The following UGGT2 variants were observed in gnomAD, a reference collection of about 807,000 sequenced individuals.
The protein encoded by UGGT2 is UDP-glucose:glycoprotein glucosyltransferase 2.
A neutral mutation model predicts 192.1 loss-of-function variants in UGGT2; 180 were observed. The ratio of observed to expected loss-of-function variants is 0.94; its 90% confidence interval spans 0.83 to 1.06. The LOEUF is 1.06. Ranked by LOEUF, UGGT2 falls within the 50% of genes least tolerant of loss-of-function variation. The pLI is 0.00. For synonymous variants in UGGT2, 580 were observed against 591.0 expected, an observed-to-expected ratio of 0.98 and a Z score of 0.27; for missense variants, 1,849 against 1,795.7, an observed-to-expected ratio of 1.03 and a Z score of -0.54.
chr13:95,910,141 C>G (rs2048440804), intron 20 of UGGT2, among the ~76,000 whole-genome samples: 1 of 152,164 alleles, frequency 6.6e-6, no homozygotes, highest in Admixed American at 6.6e-5. Context: ...AAAAACATGC[C>G]AAACTGTAAA....
At chr13:95,944,522 G>T (rs2049799978) in intron 15 of UGGT2, among the ~76,000 whole-genome samples, 3 of 151,990 alleles carry the variant, frequency 2.0e-5, no homozygotes. Context: ...GAGTCTGGAA[G>T]TTTATACCTG....
At chr13:95,929,057 G>A (rs2049148761) in intron 17 of UGGT2, among the ~76,000 whole-genome samples, 1 of 152,112 alleles carries the variant, frequency 6.6e-6, no homozygotes, top group Non-Finnish European at 1.5e-5. Context: ...AGTCAGGCGT[G>A]GCGGCGCGCG....
At chr13:95,834,215 G>A (rs1268174247) in intron 37 of UGGT2, among the ~76,000 whole-genome samples, 1 of 81,092 alleles carries the variant, frequency 1.2e-5, no homozygotes, top group African/African-American at 3.1e-5. Flanking sequence ...ACTACATTGG[G>A]TTTGTGTGTG....
At chr13:95,897,764 T>C (rs1268483118) in intron 22 of UGGT2, among the ~76,000 whole-genome samples, 2 of 152,208 alleles carry the variant, frequency 1.3e-5, no homozygotes, top group African/African-American at 2.4e-5. Flanking sequence ...ACCACAGTTA[T>C]ACAAATAAAA....
chr13:95,845,429 T>C (rs1327597997), intron 36 of UGGT2, among the ~76,000 whole-genome samples: 4 of 139,592 alleles, frequency 2.9e-5, no homozygotes, highest in African/African-American at 1.0e-4. Flanking sequence ...TGCACCGCCC[T>C]TAATCCATTT....
intron 15 of UGGT2, among the ~76,000 whole-genome samples, chr13:95,940,808 G>T (rs2049651773): frequency 6.6e-6 from 1 of 151,976 alleles, no homozygotes; most frequent in Non-Finnish European, 1.5e-5. Flanking sequence ...GCTCAGGCTG[G>T]TCTCAAACAC....
In UGGT2 at chr13:95,890,865, C is replaced by G; in HGVS notation, c.2955G>C (p.Leu985Phe). The G allele has an allele frequency of 6.2e-7, 1 of 1,609,486 alleles. No homozygotes were observed. Among genetic ancestry groups the G allele is most frequent in the African/African-American group, 1.3e-5 (1 of 74,764 alleles). ...AGTCTAATTTATATTATCTTACAAC[C>G]AACAACTGTGCCATTTTCTGTGCTT... Reference protein sequence around the residue: ...TREAQKMAQLLVVLGKIINMK... With the variant: ...TREAQKMAQLFVVLGKIINMK... Residue 985 changes from leucine to phenylalanine, a missense_variant, in exon 25 of 39, where the codon TTG becomes TTC. Transcript: ENST00000376747.
At chr13:95,863,016 T>TC (rs1330672310) in intron 31 of UGGT2, among the ~76,000 whole-genome samples, 1 of 151,982 alleles carries the variant, frequency 6.6e-6, no homozygotes, top group Non-Finnish European at 1.5e-5. Flanking sequence ...ATACATGCCA[T>TC]CACAACAGGC....
At chr13:95,972,722 T>C in intron 10 of UGGT2, 51 bp from the exon 11 acceptor site, 1 of 1,329,314 alleles carries the variant, frequency 7.5e-7, no homozygotes, top group Non-Finnish European at 1.1e-6. Context: ...AATAGTGACC[T>C]ATATTAGGGG....
At chr13:95,980,443 G>C (rs774177080) in intron 10 of UGGT2, among the ~76,000 whole-genome samples, 1 of 151,994 alleles carries the variant, frequency 6.6e-6, no homozygotes. Flanking sequence ...TGGACTTTGG[G>C]GACTCGGGGG....
chr13:95,815,839 G>A (rs2139759205), intron 38 of UGGT2, among the ~76,000 whole-genome samples: 1 of 152,312 alleles, frequency 6.6e-6, no homozygotes, highest in African/African-American at 2.4e-5. Flanking sequence ...GGAGGTGGGA[G>A]GGTATAATTC....
intron 17 of UGGT2, among the ~76,000 whole-genome samples, chr13:95,932,448 G>A (rs1398837168): frequency 2.6e-5 from 4 of 151,706 alleles, no homozygotes; most frequent in African/African-American, 9.7e-5. Flanking sequence ...CATTAATTTT[G>A]AATCCTGAAA....
chr13:95,921,333 C>T lies in UGGT2; in HGVS notation c.2295+4347G>A, dbSNP rs373977026. 9.0e-5 allele frequency among the ~76,000 whole-genome samples: 12 copies of T among 133,626 alleles called. No homozygotes were observed. The South Asian group carries it at 1.3e-3, about 14-fold the overall frequency. 87.7% of individuals were successfully genotyped at this position (133,626 alleles called of 152,430 possible). On this transcript the variant is annotated intron_variant, in intron 20 of 38. Transcript: ENST00000376747. ...GTGTAACAAACCTGCATATCCTACACATAACTCTTAAAGTTGAAAAAAAAA... is the reference window on the plus strand; with the variant it reads ...GTGTAACAAACCTGCATATCCTACATATAACTCTTAAAGTTGAAAAAAAAA...
rs1487075861 is a variant in UGGT2 at position 95,856,216 on chromosome 13, A to C, written c.3950T>G (p.Phe1317Cys). Residue 1317 changes from phenylalanine (F) to cysteine (C), a missense_variant, in exon 34 of 39, where the codon TTC becomes TGC. Transcript: ENST00000376747. ...TGCTAGTGGGAAAAGAACATCAAGG[A>C]AAAGAATTTTGTAACCCCAAATAAT... ...QRIIWGYKIL[F>C]LDVLFPLAVD... The C allele has an allele frequency of 1.9e-6, 3 of 1,613,564 alleles. No homozygotes were observed. Among genetic ancestry groups the C allele is most frequent in the Non-Finnish European group, 1.7e-6 (2 of 1,179,774 alleles).
chr13:95,945,164 C>T (rs1248187291), intron 15 of UGGT2, among the ~76,000 whole-genome samples: 1 of 151,880 alleles, frequency 6.6e-6, no homozygotes, highest in Non-Finnish European at 1.5e-5. Flanking sequence ...TTAATATTTG[C>T]TATTTGTTAT....
chr13:95,943,633 G>A (rs6492826), intron 15 of UGGT2, among the ~76,000 whole-genome samples: 52,535 of 151,758 alleles, frequency 0.35, 9,865 homozygotes, highest in East Asian at 0.45. Context: ...ACTGATATTA[G>A]TATACTGATC....
At chr13:96,024,949 T>G (rs1027354070) in intron 2 of UGGT2, among the ~76,000 whole-genome samples, 1 of 152,202 alleles carries the variant, frequency 6.6e-6, no homozygotes, top group Non-Finnish European at 1.5e-5. Context: ...CCGAAAGTGC[T>G]GGGCCCTTGA....
At chr13:95,839,644 G>A (rs1338344231) in intron 36 of UGGT2, among the ~76,000 whole-genome samples, 1 of 152,086 alleles carries the variant, frequency 6.6e-6, no homozygotes, top group Non-Finnish European at 1.5e-5. Context: ...ACTCTCTTGG[G>A]TATATATCTA....
chr13:96,039,388 A>C (rs187429205), intron 1 of UGGT2, among the ~76,000 whole-genome samples: 2 of 152,252 alleles, frequency 1.3e-5, no homozygotes, highest in Admixed American at 1.3e-4. Context: ...ACATCATTAC[A>C]CGGATCCTCC....
Sources: gnomAD v4.1 joint callset for allele counts (sites outside exome capture counted in the v4.1 genomes callset) on GRCh38, gnomAD v4.1.1 for gene constraint, MANE v1.5 for transcripts, NCBI Gene and HGNC (gene_info 2026-07-23, HGNC 2026-07-21) for gene names.